Variants in BICRA observed in about 807,000 individuals in gnomAD.
BICRA encodes the protein BRD4 interacting chromatin remodeling complex associated protein.
In BICRA, 31 loss-of-function variants were observed where a neutral mutation model predicts 96.9. The observed-to-expected ratio is 0.32, with a 90% confidence interval of 0.24 to 0.43. The LOEUF (loss-of-function observed/expected upper bound fraction) is 0.43. Among genes scored for constraint, BICRA ranks in the 20% least tolerant of loss-of-function variants. The pLI is 1.00. For synonymous variants in BICRA, 1,350 were observed against 1,071.8 expected (o/e 1.26, Z -5.07); for missense variants, 2,283 against 2,190.3 (o/e 1.04, Z -0.84).
At chr19:47,690,023 CAG>C (rs1246554795) in intron 7 of BICRA, among the ~76,000 whole-genome samples, 1 of 151,918 alleles carries the variant, frequency 6.6e-6, no homozygotes, top group East Asian at 1.9e-4. Context: ...GTTTTTGAGA[CAG>C]AGTTTCGCTC....
At chr19:47,685,784 T>C (rs866535382) in intron 7 of BICRA, among the ~76,000 whole-genome samples, 1,589 of 115,080 alleles carry the variant, frequency 0.014, 25 homozygotes, top group East Asian at 0.051. Context: ...TGTGTGTGTG[T>C]GTGCGCGCGC....
At chr19:47,683,024 G>A (rs533976000) in intron 7 of BICRA, among the ~76,000 whole-genome samples, 3 of 152,240 alleles carry the variant, frequency 2.0e-5, no homozygotes, top group Admixed American at 6.5e-5. Context: ...GTGGGTGTGC[G>A]GATATTTATT....
chr19:47,701,318 G>T lies in BICRA; in HGVS notation c.3596-10G>T, dbSNP rs750782380. 6.2e-7 allele frequency: 1 copy of T among 1,606,046 alleles called. No individual in the cohort carries two copies. Among genetic ancestry groups the T allele is most frequent in the Non-Finnish European group, 8.5e-7 (1 of 1,176,588 alleles). Reference sequence around the variant, plus strand: ...TAACCCCGCGGGTTTTCTTTGCCCCGATTCTGCAGACGAGTACGTGTCTTC... The same window carrying T: ...TAACCCCGCGGGTTTTCTTTGCCCCTATTCTGCAGACGAGTACGTGTCTTC... On this transcript the variant is annotated splice_polypyrimidine_tract_variant and intron_variant, in intron 14 of 14. Transcript: ENST00000594866. This position sits in a 1 kb window ranked among gnomAD's most constrained non-coding sequence, Gnocchi z 5.4.
intron 1 of BICRA, among the ~76,000 whole-genome samples, chr19:47,610,149 CG>C (rs1479289802): frequency 2.0e-5 from 3 of 152,112 alleles, no homozygotes; most frequent in Non-Finnish European, 4.4e-5. Flanking sequence ...GCGGCCTCCC[CG>C]GGCCCCTGCG....
intron 1 of BICRA, among the ~76,000 whole-genome samples, chr19:47,630,818 C>G (rs1038864661): frequency 6.6e-6 from 1 of 152,164 alleles, no homozygotes; most frequent in African/African-American, 2.4e-5. Flanking sequence ...TCTGTTCTAA[C>G]TTTTGGAGGA....
intron 14 of BICRA, chr19:47,700,092 G>T (rs1973416849): frequency 6.6e-6 from 1 of 152,410 alleles, no homozygotes; most frequent in Admixed American, 6.5e-5. Flanking sequence ...GGAGAGGAAG[G>T]GTAGTTCCGT....
chr19:47,681,030 G>A lies in BICRA; in HGVS notation c.1860G>A (p.Thr620=), dbSNP rs1394277367. The A allele has an allele frequency of 2.1e-6, 3 of 1,429,372 alleles. No homozygotes were observed. Among genetic ancestry groups the A allele is most frequent in the African/African-American group, 3.0e-5 (2 of 65,642 alleles). The allele number at this position is 1,429,372 out of a possible 1,614,324, so 88.5% of individuals were successfully genotyped here. A position where few individuals can be genotyped will look rare whatever the true frequency, so the allele number is the denominator to read the frequency against. The change falls in exon 6 of 15, where the codon ACG becomes ACA. Residue 620 remains threonine, a synonymous_variant. Coordinates refer to ENST00000594866, the MANE Select transcript of BICRA (RefSeq NM_001394372.1). ...CCGGGGAGGCCGCGCCTGTCCTCAC[G>A]GTGCAGCCTGCCCCCCAGGCGCCCC... ...AATGEAAPVL[T]VQPAPQAPPA...
At chr19:47,672,946 C>T (rs551535495) in intron 2 of BICRA, among the ~76,000 whole-genome samples, 1 of 152,224 alleles carries the variant, frequency 6.6e-6, no homozygotes, top group East Asian at 1.9e-4. Context: ...GCCTCAGTTT[C>T]CCCACCACCC....
At chr19:47,677,166 T>C (rs1972954317) in intron 5 of BICRA, among the ~76,000 whole-genome samples, 1 of 151,874 alleles carries the variant, frequency 6.6e-6, no homozygotes, top group African/African-American at 2.4e-5. Flanking sequence ...TAATAATGAG[T>C]GATGATGATA....
intron 1 of BICRA, among the ~76,000 whole-genome samples, chr19:47,612,017 C>G (rs1181085684): frequency 6.6e-6 from 1 of 151,928 alleles, no homozygotes; most frequent in African/African-American, 2.4e-5. Flanking sequence ...ATTACAGGCA[C>G]CCACCACCAC....
At chr19:47,618,583 C>T (rs557052230) in intron 1 of BICRA, among the ~76,000 whole-genome samples, 1 of 152,114 alleles carries the variant, frequency 6.6e-6, no homozygotes, top group Non-Finnish European at 1.5e-5. Flanking sequence ...AGCCCGGCCC[C>T]GCTACCTTCA....
chr19:47,609,422 G>A (rs1300081833), intron 1 of BICRA, among the ~76,000 whole-genome samples: 1 of 121,124 alleles, frequency 8.3e-6, no homozygotes, highest in African/African-American at 3.3e-5. Context: ...CACCGCCACC[G>A]GCACCCCCAG....
At chr19:47,646,728 C>A (rs1026056528) in intron 1 of BICRA, among the ~76,000 whole-genome samples, 4 of 152,134 alleles carry the variant, frequency 2.6e-5, no homozygotes, top group Admixed American at 2.0e-4. Flanking sequence ...AAAATATGCT[C>A]ATTTCATCCA....
Position 47,694,108 on chromosome 19 carries a change from T to TCCCCCCCC in BICRA, c.2284-7_2284-6insCCCCCCCC. 1 of 511,472 alleles carries TCCCCCCCC rather than the reference T, an allele frequency of 2.0e-6. No homozygotes were observed. The highest frequency in any genetic ancestry group is 2.4e-6 in the Non-Finnish European group (1 of 419,404). 31.7% of individuals were successfully genotyped at this position (511,472 alleles called of 1,614,324 possible). Reference sequence around the variant, plus strand: ...GCCCCTCCCCTCTCCCTCCCTCCCCTGCCCAGATCCCGGCAGCGGCTCCGC... The same window carrying TCCCCCCCC: ...GCCCCTCCCCTCTCCCTCCCTCCCCTCCCCCCCCGCCCAGATCCCGGCAGCGGCTCCGC... On this transcript the variant is annotated splice_polypyrimidine_tract_variant and splice_region_variant and intron_variant, in intron 7 of 14. Coordinates refer to ENST00000594866, the MANE Select transcript of BICRA (RefSeq NM_001394372.1).
rs1972920426 is a variant in BICRA, at chr19:47,675,034, G to C, written c.85-817G>C. On this transcript the variant is annotated intron_variant, in intron 4 of 14. Transcript: ENST00000594866. This position sits in a 1 kb window ranked among gnomAD's most constrained non-coding sequence, Gnocchi z 4.7. ...AGCCTGGGCCATGGTGCAGGCAGTG[G>C]GGGAGGCATGTGGCACTGGATTTGG... 6.6e-6 allele frequency among the ~76,000 whole-genome samples: 1 copy of C among 152,150 alleles called. No individual in the cohort carries two copies.
rs1973443674 is a variant in BICRA, at chr19:47,701,492, G to A, written c.3760G>A (p.Gly1254Ser). 6 of 1,549,350 alleles carry A rather than the reference G, an allele frequency of 3.9e-6. No individual in the cohort carries two copies. The highest frequency in any genetic ancestry group is 5.2e-6 in the Non-Finnish European group (6 of 1,147,574). The change falls in exon 15 of 15, where the codon GGC becomes AGC. Residue 1254 changes from glycine (G) to serine (S), a missense_variant. By Grantham distance (56) the Gly-to-Ser change is moderately conservative. Transcript: ENST00000594866. This position sits in a 1 kb window ranked among gnomAD's most constrained non-coding sequence, Gnocchi z 5.4. Reference protein sequence around the residue: ...TKLVIRHGGAGGSPSVTWARA... With the variant: ...TKLVIRHGGASGSPSVTWARA... ...GCTTGTGATCCGGCACGGCGGGGCA[G>A]GCGGCTCCCCTTCGGTCACCTGGGC...
intron 1 of BICRA, among the ~76,000 whole-genome samples, chr19:47,652,682 T>A (rs1972557392): frequency 6.6e-6 from 1 of 152,218 alleles, no homozygotes; most frequent in Non-Finnish European, 1.5e-5. Context: ...CTCTTATTTT[T>A]TTCAACAAAT....
At chr19:47,685,786 T>TGCGCGCGCGC (rs67811590) in intron 7 of BICRA, among the ~76,000 whole-genome samples, 132 of 117,944 alleles carry the variant, frequency 1.1e-3, no homozygotes, top group East Asian at 6.3e-3. Context: ...TGTGTGTGTG[T>TGCGCGCGCGC]GCGCGCGCGC....
At chr19:47,693,065 C>A (rs1973264571) in intron 7 of BICRA, among the ~76,000 whole-genome samples, 1 of 152,230 alleles carries the variant, frequency 6.6e-6, no homozygotes, top group South Asian at 2.1e-4. Context: ...GGAGAGATCA[C>A]ACAAATGGAT....
Sources: gnomAD v4.1 joint callset for allele counts (sites outside exome capture counted in the v4.1 genomes callset) on GRCh38, gnomAD v4.1.1 for gene constraint, Gnocchi (gnomAD v3.1) non-coding constraint, MANE v1.5 for transcripts, NCBI Gene and HGNC (gene_info 2026-07-23, HGNC 2026-07-21) for gene names.